Variants in NREP observed in about 807,000 individuals in gnomAD.
NREP encodes neuronal regeneration related protein.
In NREP, 5 loss-of-function variants were observed where a neutral mutation model predicts 8.6. The ratio of observed to expected loss-of-function variants is 0.58; its 90% CI spans 0.30 to 1.22. The LOEUF (loss-of-function observed/expected upper bound fraction) is 1.22, where lower values mean the gene tolerates loss of function less well. Ranked by LOEUF, NREP falls within the 50% of genes most tolerant of loss-of-function variation. The probability of loss-of-function intolerance (pLI) is 0.07; values close to 1 mark genes in which losing one functional copy is unlikely to be tolerated. For synonymous variants in NREP, 27 were observed against 28.0 expected (o/e 0.96, Z 0.11); for missense variants, 86 against 82.5 (o/e 1.04, Z -0.17).
intron 2 of NREP, among the ~76,000 whole-genome samples, chr5:111,936,657 G>A (rs190570789): frequency 1.2e-4 from 18 of 152,138 alleles, no homozygotes; most frequent in Admixed American, 9.8e-4. Flanking sequence ...CCTGTACAAA[G>A]GCTGTCGCTA....
At chr5:111,900,784 G>A (rs957472214) in intron 2 of NREP, among the ~76,000 whole-genome samples, 2 of 151,992 alleles carry the variant, frequency 1.3e-5, no homozygotes, top group Non-Finnish European at 2.9e-5. Flanking sequence ...CTCCTAACAA[G>A]GAAAGTCCCA....
chr5:111,756,325 GGGGGGGT>G, intron 1 of NREP: 6 of 721,356 alleles, frequency 8.3e-6, no homozygotes, highest in Non-Finnish European at 1.0e-5. Flanking sequence ...CTACACGGCG[GGGGGGGT>G]GGGGGGAGTC....
rs570656583 is a variant in NREP, at chr5:111,965,257, C to T, written c.135+10017G>A. Among the ~76,000 whole-genome samples, 5 of 152,246 alleles carry T rather than the reference C, an allele frequency of 3.3e-5. No individual in the cohort carries two copies. In the East Asian group the frequency reaches 9.6e-4, roughly 29 times the overall value. On this transcript the variant is annotated intron_variant, in intron 2 of 3. Coordinates refer to the NREP transcript ENST00000395634. ...TCTCCCACCTCGTAGGCAAGAATTGCATCACATACCCTACCTAAAGGAATC... is the reference window on the plus strand; with the variant it reads ...TCTCCCACCTCGTAGGCAAGAATTGTATCACATACCCTACCTAAAGGAATC...
At chr5:111,952,904 G>T (rs528487171) in intron 2 of NREP, among the ~76,000 whole-genome samples, 1 of 151,902 alleles carries the variant, frequency 6.6e-6, no homozygotes, top group South Asian at 2.1e-4. Context: ...TGAAAGGGAG[G>T]ACTCTTCACT....
intron 2 of NREP, among the ~76,000 whole-genome samples, chr5:111,839,176 T>C (rs374224161): frequency 1.4e-4 from 22 of 152,254 alleles, no homozygotes; most frequent in African/African-American, 5.1e-4. Context: ...ATCATAGTTA[T>C]CAAAGTTTTA....
chr5:111,770,025 G>A (rs1044502302), intron 2 of NREP, among the ~76,000 whole-genome samples: 8 of 152,178 alleles, frequency 5.3e-5, no homozygotes, highest in African/African-American at 1.7e-4. Context: ...GGGAGGCCGT[G>A]ATTGAGATAA....
chr5:111,899,246 AAAG>A (rs1393589686), intron 2 of NREP, among the ~76,000 whole-genome samples: 7 of 152,328 alleles, frequency 4.6e-5, no homozygotes, highest in Middle Eastern at 3.4e-3. Flanking sequence ...GCAAACAATA[AAAG>A]AAGAAGAACA....
At chr5:111,883,933 C>T (rs963498431) in intron 2 of NREP, among the ~76,000 whole-genome samples, 6 of 152,038 alleles carry the variant, frequency 3.9e-5, no homozygotes, top group African/African-American at 1.5e-4. Context: ...CAAGAGCAAA[C>T]ACATTCAAAA....
rs371011264 is a variant in NREP at position 111,882,573 on chromosome 5, C to T, written c.135+92701G>A. 1.1e-4 allele frequency among the ~76,000 whole-genome samples: 17 copies of T among 152,212 alleles called. No homozygotes were observed. The East Asian group carries it at 2.9e-3, about 26-fold the overall frequency. The stretch of plus-strand genomic sequence containing the variant: ...ATGAAGGAAAAAATGTTAAGGGCAG[C>T]CAGAGAGAAAGGCTGGGTTACCCAC... On this transcript the variant is annotated intron_variant, in intron 2 of 3. Coordinates refer to the NREP transcript ENST00000395634.
chr5:111,741,816 C>CACACACAG (rs1749687140), intron 2 of NREP, among the ~76,000 whole-genome samples: 1 of 91,842 alleles, frequency 1.1e-5, no homozygotes, highest in African/African-American at 4.4e-5. Context: ...CTAATTTAAA[C>CACACACAG]ACACACATAC....
chr5:111,832,041 G>A (rs1259535137), intron 2 of NREP, among the ~76,000 whole-genome samples: 1 of 152,062 alleles, frequency 6.6e-6, no homozygotes, highest in Non-Finnish European at 1.5e-5. Context: ...GAACCTTCTG[G>A]ACGAAAGGTC....
chr5:111,890,264 C>G (rs913355385), intron 2 of NREP, among the ~76,000 whole-genome samples: 2 of 123,566 alleles, frequency 1.6e-5, no homozygotes, highest in Non-Finnish European at 4.2e-5. Context: ...ATCCAGGGCA[C>G]ACTGTTGTAA....
chr5:111,879,438 G>T (rs1753992829), intron 2 of NREP, among the ~76,000 whole-genome samples: 2 of 152,194 alleles, frequency 1.3e-5, no homozygotes, highest in Admixed American at 6.5e-5. Context: ...ATTGCAGTAT[G>T]TTAAGTGCTC....
chr5:111,975,866 G>A (rs1756947435), intron 1 of NREP, among the ~76,000 whole-genome samples: 1 of 152,150 alleles, frequency 6.6e-6, no homozygotes. Context: ...AAATGCTGAA[G>A]TAGATTTATC....
At chr5:111,767,308 C>G (rs906273908) in intron 2 of NREP, among the ~76,000 whole-genome samples, 2 of 151,874 alleles carry the variant, frequency 1.3e-5, no homozygotes, top group Non-Finnish European at 2.9e-5. Flanking sequence ...AAAAAAAAAT[C>G]TTATTAGTTT....
At chr5:111,946,426 A>G (rs550834800) in intron 2 of NREP, among the ~76,000 whole-genome samples, 1 of 152,186 alleles carries the variant, frequency 6.6e-6, no homozygotes, top group Admixed American at 6.5e-5. Context: ...TTCATGTTAA[A>G]TATTGTTTGA....
rs181249298 is a variant in NREP, at chr5:111,957,035, T to C, written c.135+18239A>G. ...AGTACAATGACATACAGTAGAGTGA[T>C]ATTTCAGAATATTAAAGTTATAGAG... On this transcript the variant is annotated intron_variant, in intron 2 of 3. Coordinates refer to the NREP transcript ENST00000395634. Among the ~76,000 whole-genome samples, 12 of 151,864 alleles carry C rather than the reference T, an allele frequency of 7.9e-5. No individual in the cohort carries two copies. The East Asian group carries it at 2.1e-3, about 27-fold the overall frequency.
At chr5:111,974,376 G>T (rs957519572) in intron 2 of NREP, 2 of 148,598 alleles carry the variant, frequency 1.3e-5, no homozygotes, top group Admixed American at 6.9e-5. Flanking sequence ...TTCTTTCAGG[G>T]ATTGGTGGAA....
At chr5:111,913,568 T>C (rs967236905) in intron 2 of NREP, among the ~76,000 whole-genome samples, 1 of 151,838 alleles carries the variant, frequency 6.6e-6, no homozygotes, top group Non-Finnish European at 1.5e-5. Context: ...GACTGAAGAG[T>C]AAAATGAGGA....
Sources: allele counts gnomAD v4.1 joint callset (sites outside exome capture counted in the v4.1 genomes callset), GRCh38; gene constraint gnomAD v4.1.1; transcripts MANE v1.5; gene names NCBI Gene and HGNC (gene_info 2026-07-23, HGNC 2026-07-21).